Variants in KATNAL2 observed in about 807,000 individuals in gnomAD.
The protein encoded by KATNAL2 is katanin catalytic subunit A1 like 2, also known as katanin p60 ATPase-containing subunit A-like 2.
In KATNAL2, 52 loss-of-function variants were observed where a neutral mutation model predicts 76.3. The observed-to-expected ratio is 0.68, with a 90% CI of 0.55 to 0.86. KATNAL2 has a LOEUF of 0.86. Ranked by LOEUF, KATNAL2 falls within the 40% of genes least tolerant of loss-of-function variation. The probability of loss-of-function intolerance (pLI) is 0.00; values close to 1 mark genes in which losing one functional copy is unlikely to be tolerated. For synonymous variants in KATNAL2, 243 were observed against 244.2 expected, an observed-to-expected ratio of 1.00 and a Z score of 0.05; for missense variants, 660 against 668.9, an observed-to-expected ratio of 0.99 and a Z score of 0.15.
intron 3 of KATNAL2, among the ~76,000 whole-genome samples, chr18:46,961,324 C>A (rs756023120): frequency 6.6e-6 from 1 of 152,126 alleles, no homozygotes; most frequent in Non-Finnish European, 1.5e-5. Flanking sequence ...AAGTGGTGGT[C>A]CCCACCTCAT....
chr18:47,052,208 GT>G (rs1226359703), intron 4 of KATNAL2, among the ~76,000 whole-genome samples: 1 of 152,222 alleles, frequency 6.6e-6, no homozygotes, highest in African/African-American at 2.4e-5. Flanking sequence ...ATATTGGACA[GT>G]TTTACAACTG....
intron 4 of KATNAL2, among the ~76,000 whole-genome samples, chr18:47,048,472 C>T (rs376603101): frequency 3.3e-5 from 5 of 152,170 alleles, no homozygotes; most frequent in African/African-American, 7.2e-5. Flanking sequence ...TGAGTGCCCC[C>T]GTCCCATGGT....
chr18:46,939,176 C>T (rs1316703626), intron 1 of KATNAL2, among the ~76,000 whole-genome samples: 4 of 151,900 alleles, frequency 2.6e-5, no homozygotes, highest in Admixed American at 1.3e-4. Context: ...CCCGTCTCTA[C>T]TAAAAAGACA....
intron 10 of KATNAL2, 147 bp from the exon 11 acceptor site, chr18:47,066,873 AT>A (rs1476784335): frequency 1.1e-5 from 1 of 87,212 alleles, no homozygotes; most frequent in East Asian, 4.0e-4. Context: ...ATATATATAT[AT>A]ATATATATAT....
intron 3 of KATNAL2, among the ~76,000 whole-genome samples, chr18:47,038,066 C>T (rs2060840948): frequency 6.6e-6 from 1 of 152,072 alleles, no homozygotes; most frequent in Non-Finnish European, 1.5e-5. Flanking sequence ...GACATCGACT[C>T]TTTTGCAAAC....
chr18:47,064,483 AG>A lies in KATNAL2; in HGVS notation c.726+1126del, dbSNP rs202154395. On this transcript the variant is annotated intron_variant, in intron 10 of 17. Transcript: ENST00000683218. ...AGGGCTGAGAACACACCTATAGAAG[AG>A]GGGACCTTAGAAAGGCGCCCGTCGG... 1.9e-3 allele frequency among the ~76,000 whole-genome samples: 282 copies of A among 152,182 alleles called. 2 individuals are homozygous for A. In the East Asian group the frequency reaches 0.047, roughly 25 times the overall value.
At position 47,100,334 on chromosome 18, in the gene KATNAL2, T is replaced by C; in HGVS notation, c.1455T>C (p.Asp485=). 2 of 1,614,038 alleles carry C rather than the reference T, an allele frequency of 1.2e-6. No individual in the cohort carries two copies. The highest frequency in any genetic ancestry group is 1.7e-6 in the Non-Finnish European group (2 of 1,179,886). ...TGCGGCCCGTGAGGAAGATCTTTGATGCACTTGAAAATCACCAGTCAGGTA... is the reference window on the plus strand; with the variant it reads ...TGCGGCCCGTGAGGAAGATCTTTGACGCACTTGAAAATCACCAGTCAGGTA... ...AAMRPVRKIF[D]ALENHQSESS... Residue 485 remains aspartate, a synonymous_variant, in exon 17 of 18, where the codon GAT becomes GAC. Coordinates refer to ENST00000683218, the MANE Select transcript of KATNAL2 (RefSeq NM_001387690.1).
At chr18:46,939,338 T>TAA (rs11313068) in intron 1 of KATNAL2, among the ~76,000 whole-genome samples, 2 of 142,766 alleles carry the variant, frequency 1.4e-5, no homozygotes, top group Non-Finnish European at 3.1e-5. Context: ...ATCTCACAAT[T>TAA]AAAAAAAAAA....
intron 2 of KATNAL2, 46 bp downstream of exon 2, chr18:46,946,592 A>C: frequency 1.0e-6 from 1 of 983,846 alleles, no homozygotes; most frequent in Non-Finnish European, 1.2e-6. Flanking sequence ...GAATTAAGAA[A>C]ACCAAAACAA....
intron 1 of KATNAL2, among the ~76,000 whole-genome samples, chr18:46,924,281 G>A (rs1265757909): frequency 6.6e-6 from 1 of 152,152 alleles, no homozygotes; most frequent in African/African-American, 2.4e-5. Context: ...TCCAGTTTCA[G>A]CTTTCTGCAT....
At chr18:47,069,729 T>G in intron 13 of KATNAL2, 129 bp downstream of exon 13, 1 of 595,910 alleles carries the variant, frequency 1.7e-6, no homozygotes, top group East Asian at 2.8e-5. Flanking sequence ...GGATCTTGAT[T>G]ACCAGCAGCT....
intron 3 of KATNAL2, among the ~76,000 whole-genome samples, chr18:46,954,890 T>A (rs2059677979): frequency 1.3e-5 from 2 of 152,128 alleles, no homozygotes; most frequent in African/African-American, 4.8e-5. Flanking sequence ...TGACCTCAAG[T>A]GATCCACCTG....
In KATNAL2 at chr18:47,082,364, T is replaced by C. The variant is rs1250850712; in HGVS notation, c.1211+4903T>C. 2.6e-5 allele frequency among the ~76,000 whole-genome samples: 4 copies of C among 152,210 alleles called. No homozygotes were observed. The East Asian group carries it at 7.7e-4, about 29-fold the overall frequency. ...CAAAATATGTCTTTAGACATTGCCA[T>C]ATGTTTCCTTGGAGGCAAAATCACC... On this transcript the variant is annotated intron_variant, in intron 15 of 17. Transcript: ENST00000683218.
At chr18:47,032,920 T>G (rs561010606) in intron 3 of KATNAL2, 1 of 1,609,166 alleles carries the variant, frequency 6.2e-7, no homozygotes, top group Non-Finnish European at 8.5e-7. Flanking sequence ...CTGGTGTCCA[T>G]TGGAAGTTTC....
intron 4 of KATNAL2, among the ~76,000 whole-genome samples, chr18:47,049,066 AC>A (rs2147075778): frequency 6.6e-6 from 1 of 151,104 alleles, no homozygotes; most frequent in Non-Finnish European, 1.5e-5. Context: ...CTCGTGATCC[AC>A]CCGCCTCGGC....
intron 4 of KATNAL2, 82 bp downstream of exon 4, chr18:47,046,609 A>G (rs1599650943): frequency 1.0e-6 from 1 of 993,840 alleles, no homozygotes; most frequent in Non-Finnish European, 1.5e-6. Context: ...TTTAAATACA[A>G]TAGACTTTCT....
intron 15 of KATNAL2, among the ~76,000 whole-genome samples, chr18:47,096,613 G>A (rs563687538): frequency 2.0e-5 from 3 of 152,176 alleles, no homozygotes; most frequent in South Asian, 2.1e-4. Context: ...GTGAGCCACC[G>A]CACTCAGCTC....
intron 15 of KATNAL2, among the ~76,000 whole-genome samples, chr18:47,095,557 T>C (rs1342374120): frequency 6.6e-6 from 1 of 152,242 alleles, no homozygotes; most frequent in Admixed American, 6.5e-5. Context: ...TTAAACCCCT[T>C]TCCTTTATAA....
intron 3 of KATNAL2, among the ~76,000 whole-genome samples, chr18:46,951,674 T>G (rs1468824655): frequency 6.6e-6 from 1 of 152,174 alleles, no homozygotes; most frequent in Non-Finnish European, 1.5e-5. Flanking sequence ...AAACAAAGTA[T>G]CTATGAAACT....
Sources: allele counts gnomAD v4.1 joint callset (sites outside exome capture counted in the v4.1 genomes callset), GRCh38; gene constraint gnomAD v4.1.1; transcripts MANE v1.5; gene names NCBI Gene and HGNC (gene_info 2026-07-23, HGNC 2026-07-21).